Variants in CDS2 observed in about 807,000 individuals in gnomAD.
The protein encoded by CDS2 is CDP-diacylglycerol synthase 2.
CDS2 carries 47 observed loss-of-function variants against 59.0 expected under a neutral mutation model. That is an observed-to-expected ratio of 0.80 (90% CI 0.63 to 1.02). The LOEUF (loss-of-function observed/expected upper bound fraction) is 1.02. Ranked by LOEUF, CDS2 falls within the 50% of genes least tolerant of loss-of-function variation. The pLI is 0.00. For missense variants in CDS2, 356 were observed against 558.9 expected (o/e 0.64, Z 3.66); for synonymous variants, 207 against 206.4 (o/e 1.00, Z -0.02).
chr20:5,146,492 C>T (rs1183129247), intron 1 of CDS2, among the ~76,000 whole-genome samples: 1 of 152,188 alleles, frequency 6.6e-6, no homozygotes, highest in Non-Finnish European at 1.5e-5. Flanking sequence ...TGGTTTATCC[C>T]ACCCTTGTGT....
At chr20:5,189,246 C>G in intron 11 of CDS2, 60 bp downstream of exon 11, 2 of 1,601,734 alleles carry the variant, frequency 1.2e-6, no homozygotes, top group East Asian at 4.5e-5. Context: ...CTGCCTTTCT[C>G]CCCCTTCCCT....
chr20:5,151,200 CATATG>C (rs1341330937), intron 1 of CDS2, among the ~76,000 whole-genome samples: 10 of 152,156 alleles, frequency 6.6e-5, no homozygotes, highest in Non-Finnish European at 1.2e-4. Context: ...GCTACATTGA[CATATG>C]ATATACTTAG....
At chr20:5,150,757 AGGCTTCTTT>A (rs1335944874) in intron 1 of CDS2, among the ~76,000 whole-genome samples, 3 of 152,076 alleles carry the variant, frequency 2.0e-5, no homozygotes, top group Non-Finnish European at 4.4e-5. Flanking sequence ...TCTCCTCTCT[AGGCTTCTTT>A]GGAAATTGAC....
chr20:5,185,024 A>C, intron 8 of CDS2, 79 bp downstream of exon 8: 1 of 1,047,402 alleles, frequency 9.5e-7, no homozygotes, highest in Non-Finnish European at 1.5e-6. Context: ...AGCCTGGCAG[A>C]CAGAAGAAAT....
chr20:5,166,719 G>C (rs1189420696), intron 1 of CDS2, among the ~76,000 whole-genome samples: 1 of 152,168 alleles, frequency 6.6e-6, no homozygotes, highest in Non-Finnish European at 1.5e-5. Flanking sequence ...ATTAAAAGCT[G>C]CTGAGGGATT....
chr20:5,141,715 T>C (rs2090695623), intron 1 of CDS2, among the ~76,000 whole-genome samples: 1 of 152,030 alleles, frequency 6.6e-6, no homozygotes, highest in Non-Finnish European at 1.5e-5. Flanking sequence ...GAGGGGGTGG[T>C]CATGTGGGAC....
Position 5,185,816 on chromosome 20 carries a change from T to G in CDS2, c.818T>G (p.Phe273Cys). ...GGGGGCTTCTTTGCTACTGTGGTGT[T>G]TGGCCTTCTGGTAGGTGGTGGCTTT... ...FIGGFFATVV[F>C]GLLLSYVMSG... The change falls in exon 9 of 13, where the codon TTT (phenylalanine) becomes TGT (cysteine). Residue 273 changes from phenylalanine to cysteine, a missense_variant. By Grantham distance (205) the Phe-to-Cys change is radical (BLOSUM62 -2). Coordinates refer to ENST00000460006, the MANE Select transcript of CDS2 (RefSeq NM_003818.4). 6.2e-7 allele frequency: 1 copy of G among 1,614,234 alleles called. No homozygotes were observed. The highest frequency in any genetic ancestry group is 8.5e-7 in the Non-Finnish European group (1 of 1,180,016).
chr20:5,168,922 G>C (rs1328058954), intron 1 of CDS2, among the ~76,000 whole-genome samples: 1 of 152,132 alleles, frequency 6.6e-6, no homozygotes, highest in Non-Finnish European at 1.5e-5. Context: ...CTGGGCAGTT[G>C]GTGGAGAAGC....
At chr20:5,130,517 C>T (rs1031556517) in intron 1 of CDS2, among the ~76,000 whole-genome samples, 7 of 150,888 alleles carry the variant, frequency 4.6e-5, no homozygotes, top group African/African-American at 1.5e-4. Context: ...TGGCTCACGC[C>T]TGTAATCCCA....
intron 1 of CDS2, among the ~76,000 whole-genome samples, chr20:5,147,017 G>A (rs375278217): frequency 3.3e-5 from 5 of 152,146 alleles, no homozygotes; most frequent in African/African-American, 4.8e-5. Flanking sequence ...TCTGAAAAAC[G>A]CATGATTTCT....
chr20:5,174,254 C>T (rs2123041923), intron 2 of CDS2, among the ~76,000 whole-genome samples: 1 of 152,264 alleles, frequency 6.6e-6, no homozygotes, highest in African/African-American at 2.4e-5. Context: ...CTATGTGTGC[C>T]TCCAACTGTC....
chr20:5,183,992 A>C (rs2091049598), intron 7 of CDS2, among the ~76,000 whole-genome samples: 1 of 152,164 alleles, frequency 6.6e-6, no homozygotes, highest in African/African-American at 2.4e-5. Context: ...CCCCGTCTCT[A>C]CTAAAAATAC....
rs73614273 is a variant in CDS2 at position 5,189,251 on chromosome 20, T to A, written c.1101+65T>A. 59 of 1,585,622 alleles carry A rather than the reference T, an allele frequency of 3.7e-5. No individual in the cohort carries two copies. In the East Asian group the frequency reaches 1.3e-3, roughly 35 times the overall value. On this transcript the variant is annotated intron_variant, in intron 11 of 12. Transcript: ENST00000460006. The stretch of plus-strand genomic sequence containing the variant: ...CACCCATCTTCTGCCTTTCTCCCCC[T>A]TCCCTGCCCCCTCCAAAATACTAGG...
rs138844711 is a variant in CDS2, at chr20:5,185,529, T to C, written c.760-229T>C. On this transcript the variant is annotated intron_variant, in intron 8 of 12. Coordinates refer to ENST00000460006, the MANE Select transcript of CDS2 (RefSeq NM_003818.4). Reference sequence around the variant, plus strand: ...TGAGTGTAGTCACTTAATTAGTATATCGTTTTCTAATATAAAACTATTCGA... The same window carrying C: ...TGAGTGTAGTCACTTAATTAGTATACCGTTTTCTAATATAAAACTATTCGA... Among the ~76,000 whole-genome samples the C allele has an allele frequency of 3.6e-3, 550 of 152,346 alleles. 2 individuals are homozygous for C. The highest frequency in any genetic ancestry group is 5.1e-3 in the Non-Finnish European group (345 of 68,040).
At chr20:5,158,314 C>T (rs184459543) in intron 1 of CDS2, among the ~76,000 whole-genome samples, 55 of 152,120 alleles carry the variant, frequency 3.6e-4, no homozygotes, top group African/African-American at 1.3e-3. Context: ...GGATTACAGG[C>T]ACCTGCCACC....
chr20:5,147,934 G>GTGATTGTTTTTTTTTGTTGTTGT (rs1233125649), intron 1 of CDS2, among the ~76,000 whole-genome samples: 2 of 152,012 alleles, frequency 1.3e-5, no homozygotes, highest in Non-Finnish European at 2.9e-5. Flanking sequence ...TCTAAGAGCA[G>GTGATTGTTTTTTTTTGTTGTTGT]TGATTGTTTT....
rs1241505083 is a variant in CDS2, at chr20:5,197,303, ATTTG to A, written c.*7073_*7076del. 3.1e-5 allele frequency: 4 copies of A among 131,112 alleles called. No individual in the cohort carries two copies. The Admixed American group carries it at 3.4e-4, about 11-fold the overall frequency. 8.1% of individuals were successfully genotyped at this position (131,112 alleles called of 1,614,324 possible). A position where few individuals can be genotyped will look rare whatever the true frequency, so the allele number is the denominator to read the frequency against. The stretch of plus-strand genomic sequence containing the variant: ...CATCCTTCTTAATTCGATTCTGAGG[ATTTG>A]TTTAACTAAAAAGTTCCCAAACACA... On this transcript the variant is annotated 3_prime_UTR_variant, in exon 13 of 13. Transcript: ENST00000460006.
chr20:5,132,895 G>A (rs138604533), intron 1 of CDS2, among the ~76,000 whole-genome samples: 167 of 152,122 alleles, frequency 1.1e-3, no homozygotes, highest in Admixed American at 8.3e-3. Context: ...TTTATCGGCC[G>A]GGCGCGGTGG....
intron 1 of CDS2, among the ~76,000 whole-genome samples, chr20:5,162,515 G>T (rs189471805): frequency 2.0e-4 from 30 of 152,268 alleles, no homozygotes; most frequent in African/African-American, 6.5e-4. Context: ...AATGTCAAAA[G>T]TGTTCTGTTT....
Sources: gnomAD v4.1 joint callset for allele counts (sites outside exome capture counted in the v4.1 genomes callset) on GRCh38, gnomAD v4.1.1 for gene constraint, MANE v1.5 for transcripts, NCBI Gene and HGNC (gene_info 2026-07-23, HGNC 2026-07-21) for gene names.